Variants in GPATCH2 observed in about 807,000 individuals in gnomAD.
GPATCH2 encodes G-patch domain containing 2.
In GPATCH2, 51 loss-of-function variants were observed where a neutral mutation model predicts 58.0. The ratio of observed to expected loss-of-function variants is 0.88; its 90% CI spans 0.70 to 1.11. The LOEUF is 1.11. Ranked by LOEUF, GPATCH2 falls within the 50% of genes most tolerant of loss-of-function variation. The pLI, the probability that GPATCH2 is intolerant of heterozygous loss-of-function variation, is 0.00. For missense variants in GPATCH2, 625 were observed against 652.2 expected, an observed-to-expected ratio of 0.96 and a Z score of 0.45; for synonymous variants, 222 against 218.5, an observed-to-expected ratio of 1.02 and a Z score of -0.14.
intron 5 of GPATCH2, among the ~76,000 whole-genome samples, chr1:217,583,099 A>G (rs1371547454): frequency 6.6e-6 from 1 of 152,232 alleles, no homozygotes; most frequent in Non-Finnish European, 1.5e-5. Flanking sequence ...TACTAACAGA[A>G]TAGATTAAAC....
intron 8 of GPATCH2, among the ~76,000 whole-genome samples, chr1:217,466,418 T>C (rs1158478008): frequency 3.3e-5 from 5 of 152,110 alleles, no homozygotes; most frequent in Non-Finnish European, 7.4e-5. Context: ...GGAGAATGGG[T>C]CTTTCTATAT....
At chr1:217,543,968 G>C (rs985315247) in intron 5 of GPATCH2, among the ~76,000 whole-genome samples, 2 of 152,154 alleles carry the variant, frequency 1.3e-5, no homozygotes, top group African/African-American at 4.8e-5. Flanking sequence ...GAATGGACTA[G>C]AAGTTAATAT....
chr1:217,610,484 G>C, intron 4 of GPATCH2, 84 bp from the exon 5 acceptor site: 3 of 816,678 alleles, frequency 3.7e-6, no homozygotes, highest in Non-Finnish European at 6.1e-6. Flanking sequence ...AATAGAGAAA[G>C]AAAAGTAAGT....
At chr1:217,582,888 GT>G (rs767971877) in intron 5 of GPATCH2, among the ~76,000 whole-genome samples, 8 of 152,288 alleles carry the variant, frequency 5.3e-5, no homozygotes, top group East Asian at 3.9e-4. Context: ...AGATTGCAGA[GT>G]TTACACTACA....
intron 5 of GPATCH2, among the ~76,000 whole-genome samples, chr1:217,602,339 A>T (rs6704368): frequency 0.33 from 50,269 of 151,820 alleles, 8,719 homozygotes; most frequent in Non-Finnish European, 0.39. Context: ...GCTTTTTCAA[A>T]CTTAATCCTT....
At chr1:217,520,430 A>C (rs1158732566) in intron 5 of GPATCH2, among the ~76,000 whole-genome samples, 1 of 152,224 alleles carries the variant, frequency 6.6e-6, no homozygotes, top group African/African-American at 2.4e-5. Context: ...AACGGTACAA[A>C]AAGGCCCATC....
chr1:217,604,233 C>T (rs1351806659), intron 5 of GPATCH2, among the ~76,000 whole-genome samples: 1 of 151,550 alleles, frequency 6.6e-6, no homozygotes, highest in African/African-American at 2.4e-5. Flanking sequence ...CAAATGTAGT[C>T]TCAGTTACTA....
At chr1:217,448,754 T>C (rs1659512163) in intron 9 of GPATCH2, among the ~76,000 whole-genome samples, 1 of 152,148 alleles carries the variant, frequency 6.6e-6, no homozygotes, top group Non-Finnish European at 1.5e-5. Context: ...ACTAATGTTG[T>C]CTAAAGAAGG....
At chr1:217,626,393 G>T (rs1669457577) in intron 1 of GPATCH2, among the ~76,000 whole-genome samples, 1 of 152,096 alleles carries the variant, frequency 6.6e-6, no homozygotes, top group Non-Finnish European at 1.5e-5. Context: ...TATCATATTA[G>T]CTTTTATTTA....
intron 1 of GPATCH2, among the ~76,000 whole-genome samples, chr1:217,630,695 A>T (rs1010160209): frequency 3.9e-5 from 6 of 152,248 alleles, no homozygotes; most frequent in African/African-American, 1.4e-4. Context: ...TTGTTAAACA[A>T]GCAATCAGAA....
At chr1:217,574,782 G>A (rs921599342) in intron 5 of GPATCH2, among the ~76,000 whole-genome samples, 4 of 152,076 alleles carry the variant, frequency 2.6e-5, no homozygotes, top group African/African-American at 7.2e-5. Flanking sequence ...AATAATAAGC[G>A]ACAGGTCCAA....
intron 5 of GPATCH2, among the ~76,000 whole-genome samples, chr1:217,557,016 C>T (rs1317993508): frequency 6.6e-6 from 1 of 152,162 alleles, no homozygotes; most frequent in Non-Finnish European, 1.5e-5. Flanking sequence ...TACTTTCGCT[C>T]ATCTTTCTGC....
intron 8 of GPATCH2, among the ~76,000 whole-genome samples, chr1:217,482,372 A>T (rs1234994611): frequency 6.6e-6 from 1 of 152,202 alleles, no homozygotes; most frequent in African/African-American, 2.4e-5. Flanking sequence ...ACAGGGTATG[A>T]TGGTACTGGT....
At chr1:217,481,407 G>A (rs1208200975) in intron 8 of GPATCH2, among the ~76,000 whole-genome samples, 2 of 152,168 alleles carry the variant, frequency 1.3e-5, no homozygotes, top group Non-Finnish European at 2.9e-5. Flanking sequence ...GTCAACAGAA[G>A]ACAGCTAAAA....
At chr1:217,474,673 C>T (rs578245744) in intron 8 of GPATCH2, among the ~76,000 whole-genome samples, 17 of 152,314 alleles carry the variant, frequency 1.1e-4, no homozygotes, top group African/African-American at 2.9e-4. Context: ...GCTTTAGTCA[C>T]GCACTTCAAA....
intron 5 of GPATCH2, among the ~76,000 whole-genome samples, chr1:217,558,763 C>G (rs1665769391): frequency 1.3e-5 from 2 of 152,024 alleles, no homozygotes; most frequent in African/African-American, 4.8e-5. Context: ...GCCTGGGCAA[C>G]AGAGTGAGAC....
At chr1:217,542,310 A>G (rs973248873) in intron 5 of GPATCH2, among the ~76,000 whole-genome samples, 8 of 152,212 alleles carry the variant, frequency 5.3e-5, no homozygotes, top group Non-Finnish European at 1.0e-4. Context: ...TAGGAGACGC[A>G]GTGACACAGT....
chr1:217,561,457 G>A (rs1419353662), intron 5 of GPATCH2, among the ~76,000 whole-genome samples: 4 of 152,166 alleles, frequency 2.6e-5, no homozygotes, highest in African/African-American at 7.2e-5. Flanking sequence ...GTATGATGAC[G>A]TTTGTCATCG....
chr1:217,570,807 C>A (rs972078005), intron 5 of GPATCH2, among the ~76,000 whole-genome samples: 3 of 152,148 alleles, frequency 2.0e-5, no homozygotes, highest in African/African-American at 7.2e-5. Context: ...GAAAAGGTTA[C>A]TATCCTGAAA....
Sources: allele counts gnomAD v4.1 joint callset (sites outside exome capture counted in the v4.1 genomes callset), GRCh38; gene constraint gnomAD v4.1.1; transcripts MANE v1.5; gene names NCBI Gene and HGNC (gene_info 2026-07-23, HGNC 2026-07-21).